Variants in DPY19L1 observed in about 807,000 individuals in gnomAD.
The protein encoded by DPY19L1 is dpy-19 like C-mannosyltransferase 1.
A neutral mutation model predicts 96.9 loss-of-function variants in DPY19L1; 35 were observed. The ratio of observed to expected loss-of-function variants is 0.36; its 90% CI spans 0.28 to 0.48. The LOEUF is 0.48. DPY19L1 is among the 20% of genes least tolerant of loss of function. The pLI is 0.99. For missense variants in DPY19L1, 521 were observed against 777.9 expected (o/e 0.67, Z 3.93); for synonymous variants, 205 against 252.6 (o/e 0.81, Z 1.79).
At chr7:34,958,173 C>T in intron 10 of DPY19L1, 103 bp from the exon 11 acceptor site, 1 of 723,766 alleles carries the variant, frequency 1.4e-6, no homozygotes, top group East Asian at 3.2e-5. Context: ...AAAATTCAAA[C>T]TGTTGAAAAG....
chr7:34,960,726 C>CTAG (rs1205356829), intron 10 of DPY19L1, among the ~76,000 whole-genome samples: 1 of 152,058 alleles, frequency 6.6e-6, no homozygotes, highest in Non-Finnish European at 1.5e-5. Flanking sequence ...TTATGTGATA[C>CTAG]TAGTTTTTCT....
In DPY19L1 at chr7:34,968,629, G is replaced by T. The variant is rs572363450; in HGVS notation, c.1014+804C>A. 3.7e-3 allele frequency among the ~76,000 whole-genome samples: 568 copies of T among 151,900 alleles called. 3 individuals carry two copies. The highest frequency in any genetic ancestry group is 0.012 in the African/African-American group (477 of 41,448). ...ACTAAAAATATAAATAATTAGCTGGGTGTGGTGGCACGTGCCTGTAGTTCC... is the reference window on the plus strand; with the variant it reads ...ACTAAAAATATAAATAATTAGCTGGTTGTGGTGGCACGTGCCTGTAGTTCC... On this transcript the variant is annotated intron_variant, in intron 9 of 21. Coordinates refer to ENST00000638088, the MANE Select transcript of DPY19L1 (RefSeq NM_001366673.1).
At chr7:34,989,635 C>A (rs377148537) in intron 7 of DPY19L1, among the ~76,000 whole-genome samples, 1 of 112,004 alleles carries the variant, frequency 8.9e-6, no homozygotes, top group African/African-American at 3.0e-5. Context: ...ACAAAAACAA[C>A]AACAACAACA....
At chr7:34,972,128 GGCAGGCAGCCTCCCAAGAAAT>G (rs1197965904) in intron 8 of DPY19L1, among the ~76,000 whole-genome samples, 2 of 152,038 alleles carry the variant, frequency 1.3e-5, no homozygotes, top group African/African-American at 4.8e-5. Context: ...TCCCAAGAAA[GGCAGGCAGCCTCCCAAGAAAT>G]GCAGACAGCC....
intron 3 of DPY19L1, among the ~76,000 whole-genome samples, chr7:35,015,239 T>G (rs1355589459): frequency 6.6e-6 from 1 of 152,198 alleles, no homozygotes; most frequent in African/African-American, 2.4e-5. Flanking sequence ...AGAAAGGAAT[T>G]AACTATTTAT....
intron 14 of DPY19L1, 33 bp downstream of exon 14, chr7:34,949,764 C>T (rs762087250): frequency 5.0e-6 from 7 of 1,404,298 alleles, no homozygotes; most frequent in Non-Finnish European, 6.0e-6. Context: ...TGGGCCAAAA[C>T]CTTAGGAAAC....
At chr7:35,012,157 G>C (rs898216553) in intron 4 of DPY19L1, among the ~76,000 whole-genome samples, 3 of 152,190 alleles carry the variant, frequency 2.0e-5, no homozygotes, top group African/African-American at 7.2e-5. Flanking sequence ...CGGGCAATCT[G>C]CATCTGATGA....
At chr7:35,001,260 T>C (rs1785420205) in intron 6 of DPY19L1, among the ~76,000 whole-genome samples, 1 of 152,252 alleles carries the variant, frequency 6.6e-6, no homozygotes, top group Admixed American at 6.5e-5. Flanking sequence ...GGAAAAATAC[T>C]TCCTAAATTG....
intron 15 of DPY19L1, among the ~76,000 whole-genome samples, chr7:34,947,213 C>T (rs1258247140): frequency 2.6e-5 from 4 of 152,180 alleles, no homozygotes; most frequent in African/African-American, 9.7e-5. Flanking sequence ...TGCAAATACT[C>T]TGTTTTTTCT....
intron 10 of DPY19L1, among the ~76,000 whole-genome samples, chr7:34,962,247 A>G (rs1220816275): frequency 6.6e-6 from 1 of 152,250 alleles, no homozygotes; most frequent in Non-Finnish European, 1.5e-5. Flanking sequence ...TAATGTTAAT[A>G]AAATGTTAAT....
At chr7:34,961,167 T>C (rs2128787992) in intron 10 of DPY19L1, among the ~76,000 whole-genome samples, 1 of 152,200 alleles carries the variant, frequency 6.6e-6, no homozygotes, top group Middle Eastern at 3.4e-3. Flanking sequence ...TATATGGAGA[T>C]ATAAACAACC....
At chr7:34,991,399 G>C (rs532220117) in intron 6 of DPY19L1, among the ~76,000 whole-genome samples, 1 of 152,312 alleles carries the variant, frequency 6.6e-6, no homozygotes, top group East Asian at 1.9e-4. Flanking sequence ...AAGCCAGAAA[G>C]TGTCTGAAGT....
At position 35,037,462 on chromosome 7, in the gene DPY19L1, G is replaced by C. The variant is rs1348029123; in HGVS notation, c.-68C>G. The C allele has an allele frequency of 6.4e-6, 2 of 311,370 alleles. No individual in the cohort carries two copies. The highest frequency in any genetic ancestry group is 4.4e-5 in the African/African-American group (2 of 45,046). The allele number at this position is 311,370 out of a possible 1,614,324, so 19.3% of individuals were successfully genotyped here. ...GGCCAGAGAACGGCGGGCTGGCTGG[G>C]CGGCTGGGCGCAGCTCACTCTCCAG... On this transcript the variant is annotated 5_prime_UTR_variant, in exon 1 of 22. Transcript: ENST00000638088.
At chr7:34,933,187 T>C (rs1562796688) in intron 21 of DPY19L1, among the ~76,000 whole-genome samples, 2 of 152,220 alleles carry the variant, frequency 1.3e-5, no homozygotes, top group African/African-American at 4.8e-5. Context: ...AAGTGGTTTT[T>C]GGTTACACGG....
At chr7:35,037,980 G>T, upstream of DPY19L1, 1 of 1,119,244 alleles carries the variant, frequency 8.9e-7, no homozygotes, top group Middle Eastern at 3.4e-4. Flanking sequence ...GGCTGCGCTT[G>T]GAGCCCGCGC....
chr7:35,027,597 A>C (rs2128682672), intron 1 of DPY19L1, among the ~76,000 whole-genome samples: 1 of 150,072 alleles, frequency 6.7e-6, no homozygotes, highest in South Asian at 2.1e-4. Flanking sequence ...TGGGAGGCCG[A>C]GGCGGGTGGA....
Position 35,004,886 on chromosome 7 carries a change from G to A in DPY19L1, c.764+5582C>T, listed in dbSNP as rs114314442. The stretch of plus-strand genomic sequence containing the variant: ...CTGTCAGTCAATAATGAGACACTCC[G>A]CAGGGGCATTGTTCTGTCTCCCCCA... On this transcript the variant is annotated intron_variant, in intron 6 of 21. Coordinates refer to ENST00000638088, the MANE Select transcript of DPY19L1 (RefSeq NM_001366673.1). Among the ~76,000 whole-genome samples the A allele has an allele frequency of 8.2e-3, 1,245 of 152,202 alleles. 20 individuals carry two copies. The highest frequency in any genetic ancestry group is 0.029 in the African/African-American group (1,191 of 41,530).
At chr7:35,027,145 A>G (rs1312073709) in intron 1 of DPY19L1, among the ~76,000 whole-genome samples, 2 of 152,158 alleles carry the variant, frequency 1.3e-5, no homozygotes, top group South Asian at 2.1e-4. Flanking sequence ...TGGAGGTTAC[A>G]GTGAGCCGAG....
At chr7:34,989,757 T>C (rs943280464) in intron 7 of DPY19L1, 127 bp downstream of exon 7, 6 of 745,464 alleles carry the variant, frequency 8.0e-6, no homozygotes, top group Admixed American at 3.3e-5. Context: ...CTCAAATGAA[T>C]GCTAGTGTTT....
Sources: allele counts gnomAD v4.1 joint callset (sites outside exome capture counted in the v4.1 genomes callset), GRCh38; gene constraint gnomAD v4.1.1; transcripts MANE v1.5; gene names NCBI Gene and HGNC (gene_info 2026-07-23, HGNC 2026-07-21).